DLG2: variants seen among roughly 807,000 people sequenced by gnomAD.
DLG2 encodes the protein discs large MAGUK scaffold protein 2.
Under a neutral mutation model 132.5 loss-of-function variants are expected in DLG2, and 45 were observed. The ratio of observed to expected loss-of-function variants is 0.34; its 90% confidence interval spans 0.27 to 0.44. The LOEUF is 0.44. Among genes scored for constraint, DLG2 ranks in the 20% least tolerant of loss-of-function variants. DLG2 has a pLI of 1.00. For missense variants in DLG2, 1,045 were observed against 1,196.9 expected (o/e 0.87, Z 1.87); for synonymous variants, 424 against 419.6 (o/e 1.01, Z -0.13).
At chr11:83,978,578 AC>A (rs1240873325) in intron 12 of DLG2, among the ~76,000 whole-genome samples, 2 of 152,090 alleles carry the variant, frequency 1.3e-5, no homozygotes, top group Non-Finnish European at 2.9e-5. Flanking sequence ...AAGCAAACAA[AC>A]AAACAAACAA....
chr11:85,022,031 T>C (rs1267437614), intron 6 of DLG2, among the ~76,000 whole-genome samples: 1 of 152,088 alleles, frequency 6.6e-6, no homozygotes, highest in Non-Finnish European at 1.5e-5. Context: ...AAATACATCC[T>C]AGCCTTTCAA....
At position 84,014,475 on chromosome 11, in the gene DLG2, AAAAT is replaced by A. The variant is rs767435532; in HGVS notation, c.920-33837_920-33834del. On this transcript the variant is annotated intron_variant, in intron 11 of 27. Coordinates refer to ENST00000376104, the MANE Select transcript of DLG2 (RefSeq NM_001142699.3). ...ATACATTAATGTTTTAAATGAAAAT[AAAAT>A]GTTTAAAGAATCTTCTCTGTATCTG... Among the ~76,000 whole-genome samples the A allele has an allele frequency of 1.7e-4, 26 of 152,316 alleles. No individual in the cohort carries two copies. In the East Asian group the frequency reaches 3.5e-3, roughly 20 times the overall value.
rs147519093 is a variant in DLG2 at position 85,159,908 on chromosome 11, C to T, written c.187-5257G>A. Reference sequence around the variant, plus strand: ...CCACAATGGCCCATTACATTGATGACATTATGCTGATTGGATCCAGTGAGC... The same window carrying T: ...CCACAATGGCCCATTACATTGATGATATTATGCTGATTGGATCCAGTGAGC... On this transcript the variant is annotated intron_variant, in intron 4 of 27. Coordinates refer to ENST00000376104, the MANE Select transcript of DLG2 (RefSeq NM_001142699.3). Among the ~76,000 whole-genome samples, 639 of 152,260 alleles carry T rather than the reference C, an allele frequency of 4.2e-3. 16 individuals carry two copies. Among genetic ancestry groups the T allele is most frequent in the East Asian group, 3.9e-3 (20 of 5,172 alleles).
intron 18 of DLG2, among the ~76,000 whole-genome samples, chr11:83,659,873 A>T (rs530921031): frequency 6.6e-6 from 1 of 152,240 alleles, no homozygotes; most frequent in South Asian, 2.1e-4. Context: ...CCATTTGATT[A>T]TCAAGTGTTT....
At chr11:84,284,017 T>C (rs969418495) in intron 7 of DLG2, among the ~76,000 whole-genome samples, 1 of 152,044 alleles carries the variant, frequency 6.6e-6, no homozygotes, top group Non-Finnish European at 1.5e-5. Context: ...GAGGCAGGTG[T>C]ATCACCTGAG....
chr11:85,122,949 TTA>T (rs752512404), intron 5 of DLG2, among the ~76,000 whole-genome samples: 43 of 48,154 alleles, frequency 8.9e-4, no homozygotes, highest in Admixed American at 1.9e-3. Context: ...TGTATATATA[TTA>T]TATATATATA....
intron 18 of DLG2, among the ~76,000 whole-genome samples, chr11:83,731,124 CTTTCTTTT>C (rs2090934391): frequency 6.6e-6 from 1 of 152,144 alleles, no homozygotes; most frequent in African/African-American, 2.4e-5. Context: ...CCTCAGTTCT[CTTTCTTTT>C]TTTCTTTTGT....
At chr11:84,895,324 C>T (rs759560159) in intron 6 of DLG2, among the ~76,000 whole-genome samples, 7 of 151,998 alleles carry the variant, frequency 4.6e-5, no homozygotes, top group Non-Finnish European at 1.0e-4. Context: ...AAATATGATA[C>T]TAGGCACCTC....
intron 3 of DLG2, among the ~76,000 whole-genome samples, chr11:85,540,109 G>C (rs576633640): frequency 5.9e-5 from 9 of 152,214 alleles, no homozygotes; most frequent in Non-Finnish European, 1.0e-4. Flanking sequence ...AAAGCGGCAG[G>C]GGGGTGGTGC....
chr11:84,573,382 T>C (rs1028246090), intron 6 of DLG2, among the ~76,000 whole-genome samples: 5 of 152,174 alleles, frequency 3.3e-5, no homozygotes, highest in African/African-American at 4.8e-5. Flanking sequence ...TTCAAAGTAT[T>C]ATTTTTATAA....
At chr11:84,678,567 T>C (rs2099720812) in intron 6 of DLG2, among the ~76,000 whole-genome samples, 1 of 152,104 alleles carries the variant, frequency 6.6e-6, no homozygotes, top group Admixed American at 6.6e-5. Context: ...TGAATGAGGC[T>C]AGGAACAATC....
chr11:84,711,140 A>G (rs993344498), intron 6 of DLG2, among the ~76,000 whole-genome samples: 48 of 151,438 alleles, frequency 3.2e-4, no homozygotes, highest in Admixed American at 3.0e-3. Context: ...AAGTAAATCC[A>G]TAACCTTATG....
intron 16 of DLG2, among the ~76,000 whole-genome samples, chr11:83,850,160 G>GTGTGTGTGTGTGTGTGTT (rs1452960432): frequency 4.0e-5 from 5 of 124,304 alleles, no homozygotes; most frequent in Admixed American, 7.9e-5. Flanking sequence ...GTGTGTGTGT[G>GTGTGTGTGTGTGTGTGTT]TTTTTTTACT....
chr11:85,175,350 C>A (rs1316846776), intron 4 of DLG2, among the ~76,000 whole-genome samples: 3 of 152,088 alleles, frequency 2.0e-5, no homozygotes, highest in African/African-American at 7.2e-5. Context: ...ATCACATAAA[C>A]AGAACTAAAG....
chr11:83,849,343 CAAAT>C (rs57541445), intron 16 of DLG2, among the ~76,000 whole-genome samples: 2 of 148,270 alleles, frequency 1.3e-5, no homozygotes, highest in South Asian at 2.1e-4. Flanking sequence ...AAATAATAAA[CAAAT>C]AAAAAATTGC....
At chr11:85,347,141 T>A (rs1051253468) in intron 3 of DLG2, among the ~76,000 whole-genome samples, 9 of 152,126 alleles carry the variant, frequency 5.9e-5, no homozygotes, top group African/African-American at 2.2e-4. Context: ...ACTTTGCCAC[T>A]TTTGGGGGTG....
chr11:85,000,327 TG>T (rs2058092922), intron 6 of DLG2, among the ~76,000 whole-genome samples: 1 of 152,228 alleles, frequency 6.6e-6, no homozygotes, highest in Non-Finnish European at 1.5e-5. Context: ...GAGGTCTTTC[TG>T]GTATTTAATC....
chr11:84,288,266 C>T (rs1486508156), intron 7 of DLG2, among the ~76,000 whole-genome samples: 1 of 151,748 alleles, frequency 6.6e-6, no homozygotes, highest in Non-Finnish European at 1.5e-5. Flanking sequence ...TGAATACTTA[C>T]ACTTAAATAT....
intron 7 of DLG2, among the ~76,000 whole-genome samples, chr11:84,465,218 T>C (rs7924334): frequency 0.42 from 62,990 of 150,992 alleles, 15,979 homozygotes; most frequent in African/African-American, 0.72. Flanking sequence ...GTCAATTCTC[T>C]TAAATCCCTG....
Sources: gnomAD v4.1 joint callset for allele counts (sites outside exome capture counted in the v4.1 genomes callset) on GRCh38, gnomAD v4.1.1 for gene constraint, MANE v1.5 for transcripts, NCBI Gene and HGNC (gene_info 2026-07-23, HGNC 2026-07-21) for gene names.